CELF1: variants seen among roughly 807,000 people sequenced by gnomAD.
CELF1 encodes the protein CUGBP Elav-like family member 1.
A neutral mutation model predicts 61.8 loss-of-function variants in CELF1; 10 were observed. The ratio of observed to expected loss-of-function variants is 0.16; its 90% confidence interval spans 0.10 to 0.27. CELF1 has a LOEUF of 0.27. Ranked by LOEUF, CELF1 falls within the 10% of genes least tolerant of loss-of-function variation. The pLI, the probability that CELF1 is intolerant of heterozygous loss-of-function variation, is 1.00. For synonymous variants in CELF1, 236 were observed against 225.1 expected (o/e 1.05, Z -0.43); for missense variants, 380 against 639.1 (o/e 0.59, Z 4.37).
intron 1 of CELF1, among the ~76,000 whole-genome samples, chr11:47,509,939 G>T (rs947078918): frequency 1.3e-5 from 2 of 150,582 alleles, no homozygotes; most frequent in Non-Finnish European, 1.5e-5. Flanking sequence ...GCGTGCACCT[G>T]TAATCCCAGC....
intron 1 of CELF1, among the ~76,000 whole-genome samples, chr11:47,507,698 T>C (rs1263439253): frequency 1.3e-5 from 2 of 152,134 alleles, no homozygotes; most frequent in African/African-American, 2.4e-5. Context: ...ATGTCTAAAC[T>C]GGAAAGTACA....
upstream of CELF1, among the ~76,000 whole-genome samples, chr11:47,556,592 C>G (rs1229493729): frequency 6.6e-6 from 1 of 152,158 alleles, no homozygotes; most frequent in Non-Finnish European, 1.5e-5. Flanking sequence ...TGATGATAGC[C>G]AGGCATGATG....
intron 1 of CELF1, among the ~76,000 whole-genome samples, chr11:47,520,439 G>A (rs1209761180): frequency 1.2e-4 from 18 of 152,130 alleles, no homozygotes; most frequent in African/African-American, 4.3e-4. Context: ...TATGGATATG[G>A]CAAAACTTGC....
chr11:47,561,527 G>A (rs531555050), intron 2 of CELF1, among the ~76,000 whole-genome samples: 6 of 148,916 alleles, frequency 4.0e-5, no homozygotes, highest in Admixed American at 2.0e-4. Context: ...CAGATAATAA[G>A]TGTTGGCAAC....
chr11:47,526,800 G>A (rs1293913338), intron 1 of CELF1, among the ~76,000 whole-genome samples: 1 of 152,164 alleles, frequency 6.6e-6, no homozygotes, highest in Non-Finnish European at 1.5e-5. Context: ...CCGGGCAGTG[G>A]TGGCTCGTGC....
chr11:47,475,282 G>GAA lies in CELF1; in HGVS notation c.1273+53_1273+54insTT, dbSNP rs2079506279. On this transcript the variant is annotated intron_variant, in intron 13 of 14. Coordinates refer to ENST00000687097, the MANE Select transcript of CELF1 (RefSeq NM_001376376.1). ...GCCTTTGCTCTGCCTTTCCGTTCTG[G>GAA]TATAGGAGGAAAACCGCCCCCCATA... 16 of 1,565,508 alleles carry GAA rather than the reference G, an allele frequency of 1.0e-5. No individual in the cohort carries two copies. The South Asian group carries it at 1.7e-4, about 16-fold the overall frequency.
chr11:47,564,441 A>G (rs1313558294), exon 2 of CELF1: 1 of 143,276 alleles, frequency 7.0e-6, no homozygotes, highest in Admixed American at 7.1e-5. Context: ...ACGCCATTGC[A>G]CTGCAGCTTG....
intron 1 of CELF1, among the ~76,000 whole-genome samples, chr11:47,509,466 A>G (rs2094873141): frequency 6.6e-6 from 1 of 152,180 alleles, no homozygotes; most frequent in East Asian, 1.9e-4. Context: ...AGGCAGGAGC[A>G]CTGTTTGAGC....
At chr11:47,562,055 C>T (rs184933658) in intron 2 of CELF1, among the ~76,000 whole-genome samples, 15 of 151,436 alleles carry the variant, frequency 9.9e-5, no homozygotes, top group African/African-American at 3.6e-4. Flanking sequence ...GGAGAAACCC[C>T]GTCTCTACTA....
chr11:47,563,614 G>A (rs2097233665), intron 2 of CELF1, among the ~76,000 whole-genome samples: 1 of 152,186 alleles, frequency 6.6e-6, no homozygotes, highest in South Asian at 2.1e-4. Context: ...GCTTGAACCC[G>A]GGAGGTGGAG....
At chr11:47,477,030 C>T (rs1216389433) in intron 11 of CELF1, 71 bp from the exon 12 acceptor site, 2 of 1,285,480 alleles carry the variant, frequency 1.6e-6, no homozygotes, top group South Asian at 1.2e-5. Context: ...AAAAGTGTCA[C>T]TATCCAAGTA....
chr11:47,500,612 C>CT (rs1429480264), intron 2 of CELF1, among the ~76,000 whole-genome samples: 1 of 152,082 alleles, frequency 6.6e-6, no homozygotes, highest in East Asian at 1.9e-4. Flanking sequence ...CTTTTTCCTC[C>CT]TTTAAACTGT....
chr11:47,560,722 T>C (rs1474656131), intron 2 of CELF1, among the ~76,000 whole-genome samples: 2 of 152,204 alleles, frequency 1.3e-5, no homozygotes, highest in African/African-American at 4.8e-5. Context: ...TGACAAGGCA[T>C]ATGCATTATA....
intron 1 of CELF1, among the ~76,000 whole-genome samples, chr11:47,526,379 A>G (rs1183609000): frequency 6.6e-6 from 1 of 152,218 alleles, no homozygotes. Context: ...CAGAATTTGA[A>G]CAAGATGATT....
At chr11:47,515,973 G>A (rs2095530738) in intron 1 of CELF1, among the ~76,000 whole-genome samples, 1 of 151,638 alleles carries the variant, frequency 6.6e-6, no homozygotes, top group African/African-American at 2.4e-5. Context: ...CTAGAGGGTA[G>A]TGGTGCAATC....
chr11:47,478,102 A>T (rs1179972669), intron 10 of CELF1, among the ~76,000 whole-genome samples: 1 of 152,222 alleles, frequency 6.6e-6, no homozygotes, highest in Non-Finnish European at 1.5e-5. Context: ...GGGAGTGGAA[A>T]GAGTAAACGA....
At chr11:47,517,977 G>A (rs765814068) in intron 1 of CELF1, among the ~76,000 whole-genome samples, 8 of 152,002 alleles carry the variant, frequency 5.3e-5, no homozygotes, top group Non-Finnish European at 1.2e-4. Flanking sequence ...TGAGCTTTTG[G>A]AGCATGGCAA....
Position 47,519,862 on chromosome 11 carries a change from C to CA in CELF1, c.-153-18931dup, listed in dbSNP as rs768633294. Among the ~76,000 whole-genome samples the CA allele has an allele frequency of 9.4e-3, 988 of 104,970 alleles. 2 individuals carry two copies. Among genetic ancestry groups the CA allele is most frequent in the Non-Finnish European group, 0.011 (557 of 49,556 alleles). The allele number at this position is 104,970 out of a possible 152,430, so 68.9% of individuals were successfully genotyped here. The stretch of plus-strand genomic sequence containing the variant: ...TGGGCGACGGAGCCAGACTCCGTCT[C>CA]AAAAAAAAAAAAAAGGAGTGCTTCT... On this transcript the variant is annotated intron_variant, in intron 1 of 14. Coordinates refer to ENST00000687097, the MANE Select transcript of CELF1 (RefSeq NM_001376376.1).
chr11:47,522,869 C>T (rs2096020146), intron 1 of CELF1, among the ~76,000 whole-genome samples: 1 of 149,106 alleles, frequency 6.7e-6, no homozygotes, highest in Non-Finnish European at 1.5e-5. Flanking sequence ...ATAAAATAGG[C>T]TTCATTTATT....
Sources: gnomAD v4.1 joint callset for allele counts (sites outside exome capture counted in the v4.1 genomes callset) on GRCh38, gnomAD v4.1.1 for gene constraint, MANE v1.5 for transcripts, NCBI Gene and HGNC (gene_info 2026-07-23, HGNC 2026-07-21) for gene names.